The following TNNT1 variants were observed in gnomAD, a reference collection of about 807,000 sequenced individuals.
TNNT1 encodes the protein troponin T1, slow skeletal type, also known as troponin T, slow skeletal muscle.
A neutral mutation model predicts 50.6 loss-of-function variants in TNNT1; 53 were observed. That is an observed-to-expected ratio of 1.05 (90% CI 0.84 to 1.32). TNNT1 has a LOEUF of 1.32. Among genes scored for constraint, TNNT1 ranks in the 40% most tolerant of loss-of-function variants. The probability of loss-of-function intolerance (pLI) is 0.00; values close to 1 mark genes in which losing one functional copy is unlikely to be tolerated. For missense variants in TNNT1, 348 were observed against 381.7 expected, an observed-to-expected ratio of 0.91 and a Z score of 0.74; for synonymous variants, 142 against 138.0, an observed-to-expected ratio of 1.03 and a Z score of -0.20.
Position 55,140,937 on chromosome 19 carries a change from G to C in TNNT1, c.333C>G (p.Ala111=). 6.2e-7 allele frequency: 1 copy of C among 1,613,842 alleles called. No individual in the cohort carries two copies. Among genetic ancestry groups the C allele is most frequent in the Non-Finnish European group, 8.5e-7 (1 of 1,180,016 alleles). The part of the protein sequence containing the change: ...ERIERRRSER[A]EQQRFRTEKE... ...TCTCAGTTCTGAAGCGCTGTTGCTC[G>C]GCTCTCTCTGACCGGCGCCGCTCCT... is the stretch of plus-strand genomic sequence containing the variant. The change falls in exon 9 of 14, where the codon GCC becomes GCG. Residue 111 remains alanine (A), a synonymous_variant. Coordinates refer to ENST00000588981, the MANE Select transcript of TNNT1 (RefSeq NM_003283.6).
At chr19:55,135,494 T>C in intron 11 of TNNT1, 1 of 326,924 alleles carries the variant, frequency 3.1e-6, no homozygotes, top group Non-Finnish European at 6.0e-6. Context: ...AGTCTCAACC[T>C]CTCAGGCTCT....
In TNNT1 at chr19:55,145,548, G is replaced by C. The variant is rs2085533514; in HGVS notation, c.124C>G (p.Pro42Ala). The C allele has an allele frequency of 1.2e-6, 2 of 1,613,328 alleles. No homozygotes were observed. The highest frequency in any genetic ancestry group is 2.7e-5 in the African/African-American group (2 of 74,768). Residue 42 changes from proline to alanine, a missense_variant, in exon 6 of 14, where the codon CCA (proline) becomes GCA (alanine). Pro to Ala is a conservative substitution (Grantham distance 27). Coordinates refer to ENST00000588981, the MANE Select transcript of TNNT1 (RefSeq NM_003283.6). ...VAEPEEERPK[P>A]SRPVVPPLIP... ...CCCCACCCTGTAGGATCTCACCTTGGTTTGGGGCGTTCCTCTTCTGTTGGT... is the reference window on the plus strand; with the variant it reads ...CCCCACCCTGTAGGATCTCACCTTGCTTTGGGGCGTTCCTCTTCTGTTGGT...
rs191818291 is a variant in TNNT1, at chr19:55,143,043, C to T, written c.129-1123G>A. On this transcript the variant is annotated intron_variant, in intron 6 of 13. Transcript: ENST00000588981. ...AATTAGCTGGGCATGGTGGTACGTG[C>T]CTGTAATCCCTGCTACTCAGGAGGC... Among the ~76,000 whole-genome samples the T allele has an allele frequency of 2.1e-3, 312 of 152,094 alleles. 2 individuals carry two copies. Among genetic ancestry groups the T allele is most frequent in the African/African-American group, 7.1e-3 (294 of 41,514 alleles).
chr19:55,141,562 C>A (rs1008521493), intron 7 of TNNT1, among the ~76,000 whole-genome samples: 3 of 151,670 alleles, frequency 2.0e-5, no homozygotes, highest in African/African-American at 7.3e-5. Flanking sequence ...CGGCTCACCG[C>A]CACCTCCGCC....
intron 11 of TNNT1, chr19:55,135,682 ACGCC>A: frequency 6.4e-6 from 1 of 155,336 alleles, no homozygotes; most frequent in Non-Finnish European, 1.4e-5. Flanking sequence ...GCCTGCCACC[ACGCC>A]CGGCTAATTT....
At chr19:55,133,601 C>T (rs1405355825) in intron 13 of TNNT1, 4 of 508,314 alleles carry the variant, frequency 7.9e-6, no homozygotes, top group African/African-American at 1.9e-5. Flanking sequence ...TCGCTTGAAC[C>T]CGGGAGATGG....
rs1435567898 is a variant in TNNT1, at chr19:55,134,151, T to C, written c.665A>G (p.Lys222Arg). ...PSQPSCPARE[K>R]AQELSDWIHQ... ...GATCCAGTCCGACAGCTCCTGGGCT[T>C]TCTCCCTGGCAGGGCAGGAGGGCTG... is the stretch of plus-strand genomic sequence containing the variant. Residue 222 changes from lysine (K) to arginine (R), a missense_variant, in exon 12 of 14, where the codon AAA becomes AGA. Transcript: ENST00000588981. The C allele has an allele frequency of 1.9e-6, 3 of 1,605,120 alleles. No individual in the cohort carries two copies. The East Asian group carries it at 6.7e-5, about 36-fold the overall frequency.
intron 8 of TNNT1, 82 bp downstream of exon 8, chr19:55,141,104 A>G: frequency 6.7e-7 from 1 of 1,491,024 alleles, no homozygotes; most frequent in Non-Finnish European, 9.4e-7. Context: ...ACTAGGAGGA[A>G]AACTATTATC....
intron 6 of TNNT1, 148 bp from the exon 7 acceptor site, chr19:55,142,068 AAC>A (rs1392536374): frequency 2.7e-6 from 2 of 741,770 alleles, no homozygotes; most frequent in Non-Finnish European, 4.8e-6. Context: ...CTGTCAGTGA[AAC>A]ACACAAAAGA....
intron 6 of TNNT1, among the ~76,000 whole-genome samples, chr19:55,144,271 T>C (rs547855487): frequency 3.9e-5 from 6 of 152,208 alleles, no homozygotes; most frequent in African/African-American, 1.4e-4. Context: ...AGTTTCACCA[T>C]GTTGACCGGG....
rs201579934 is a variant in TNNT1 at position 55,141,167 on chromosome 19, A to G, written c.309+19T>C. 3 of 1,598,262 alleles carry G rather than the reference A, an allele frequency of 1.9e-6. No homozygotes were observed. The South Asian group carries it at 3.3e-5, about 18-fold the overall frequency. On this transcript the variant is annotated intron_variant, in intron 8 of 13. Transcript: ENST00000588981. Reference sequence around the variant, plus strand: ...CATGGAGGGAGGAAGACCGGGGGGAACCCGGACTCTCGGCTCACAATGCGC... The same window carrying G: ...CATGGAGGGAGGAAGACCGGGGGGAGCCCGGACTCTCGGCTCACAATGCGC...
chr19:55,145,850 C>G (rs530876098), intron 5 of TNNT1, among the ~76,000 whole-genome samples: 1 of 151,972 alleles, frequency 6.6e-6, no homozygotes, highest in Non-Finnish European at 1.5e-5. Flanking sequence ...GTGCAAACCC[C>G]CAGACCTTTC....
chr19:55,135,814 C>T (rs1039404714), intron 11 of TNNT1, among the ~76,000 whole-genome samples: 2 of 152,168 alleles, frequency 1.3e-5, no homozygotes, highest in South Asian at 4.1e-4. Flanking sequence ...AGCCGCCGCG[C>T]CCGCCCGGCC....
chr19:55,138,200 A>G, intron 9 of TNNT1, 126 bp from the exon 10 acceptor site: 1 of 1,521,776 alleles, frequency 6.6e-7, no homozygotes, highest in Non-Finnish European at 8.9e-7. Flanking sequence ...GGGACATCAG[A>G]ACCAGCAGAA....
In TNNT1 at chr19:55,149,164, G is replaced by C; in HGVS notation, c.-15C>G. 4.4e-6 allele frequency: 2 copies of C among 456,280 alleles called. No individual in the cohort carries two copies. The highest frequency in any genetic ancestry group is 3.1e-5 in the South Asian group (2 of 64,568). The allele number at this position is 456,280 out of a possible 1,614,324, so 28.3% of individuals were successfully genotyped here. On this transcript the variant is annotated 5_prime_UTR_variant, in exon 1 of 14. Coordinates refer to ENST00000588981, the MANE Select transcript of TNNT1 (RefSeq NM_003283.6). Reference sequence around the variant, plus strand: ...AGGGCTCCGCAGAGCCCCTTACCTAGGCTGTGTCTGAGATGCTGTGAATCT... The same window carrying C: ...AGGGCTCCGCAGAGCCCCTTACCTACGCTGTGTCTGAGATGCTGTGAATCT...
At chr19:55,139,696 C>T (rs1321906275) in intron 9 of TNNT1, among the ~76,000 whole-genome samples, 3 of 151,964 alleles carry the variant, frequency 2.0e-5, no homozygotes, top group Non-Finnish European at 2.9e-5. Flanking sequence ...AGCTGGGTGA[C>T]GGGCAGGTGG....
chr19:55,135,941 C>CA lies in TNNT1; in HGVS notation c.611+1161_611+1162insT, dbSNP rs2085340462. The stretch of plus-strand genomic sequence containing the variant: ...CGTCTCCACACTCAGTGTCCCCACA[C>CA]GGGTAGTTTGAAAGGAGCAAGGTGG... On this transcript the variant is annotated intron_variant, in intron 11 of 13. Transcript: ENST00000588981. Among the ~76,000 whole-genome samples the CA allele has an allele frequency of 3.3e-5, 5 of 152,310 alleles. No homozygotes were observed. In the South Asian group the frequency reaches 1.0e-3, roughly 32 times the overall value.
In TNNT1 at chr19:55,146,513, G is replaced by T. The variant is rs1001459843; in HGVS notation, c.74-47C>A. On this transcript the variant is annotated intron_variant, in intron 4 of 13. Coordinates refer to ENST00000588981, the MANE Select transcript of TNNT1 (RefSeq NM_003283.6). ...AGCGAGGGTTTGGGGAGCGAGGGGG[G>T]AGCGGCCACGCCCGGGCGCGGGAGG... 11 of 1,188,970 alleles carry T rather than the reference G, an allele frequency of 9.3e-6. No individual in the cohort carries two copies. In the African/African-American group the frequency reaches 1.3e-4, roughly 14 times the overall value. The allele number at this position is 1,188,970 out of a possible 1,614,324, so 73.7% of individuals were successfully genotyped here.
chr19:55,134,420 C>T lies in TNNT1; in HGVS notation c.612-216G>A, dbSNP rs141880839. Among the ~76,000 whole-genome samples, 1,014 of 151,844 alleles carry T rather than the reference C, an allele frequency of 6.7e-3. 14 individuals carry two copies. Among genetic ancestry groups the T allele is most frequent in the African/African-American group, 0.022 (913 of 41,408 alleles). On this transcript the variant is annotated intron_variant, in intron 11 of 13. Coordinates refer to ENST00000588981, the MANE Select transcript of TNNT1 (RefSeq NM_003283.6). ...GGTGTCATGATTAAGAGACCAGGCT[C>T]GGCACCTGTAATCCCAGCACTTTGG...
Sources: gnomAD v4.1 joint callset for allele counts (sites outside exome capture counted in the v4.1 genomes callset) on GRCh38, gnomAD v4.1.1 for gene constraint, MANE v1.5 for transcripts, NCBI Gene and HGNC (gene_info 2026-07-23, HGNC 2026-07-21) for gene names.